Variants in RP1 observed in about 807,000 individuals in gnomAD.
The protein encoded by RP1 is oxygen-regulated protein 1.
RP1 carries 16 observed loss-of-function variants against 14.8 expected under a neutral mutation model. That is an observed-to-expected ratio of 1.08 (90% CI 0.73 to 1.65). The LOEUF (loss-of-function observed/expected upper bound fraction) is 1.65, where lower values mean the gene tolerates loss of function less well. Among genes scored for constraint, RP1 ranks in the 40% most tolerant of loss-of-function variants. RP1 has a pLI of 0.00. For missense variants in RP1, 2,631 were observed against 2,535.0 expected (o/e 1.04, Z -0.81); for synonymous variants, 876 against 883.6 (o/e 0.99, Z 0.15).
At chr8:54,806,398 A>G (rs559135666) in intron 24 of RP1, among the ~76,000 whole-genome samples, 34 of 152,174 alleles carry the variant, frequency 2.2e-4, no homozygotes, top group African/African-American at 7.9e-4. Context: ...ATGGACATTT[A>G]TCTTAGTTAG....
intron 1 of RP1, among the ~76,000 whole-genome samples, chr8:54,605,190 C>T (rs1212820878): frequency 6.6e-6 from 1 of 152,126 alleles, no homozygotes; most frequent in Non-Finnish European, 1.5e-5. Context: ...CTATAAATTT[C>T]CCTCTACACA....
At chr8:54,659,818 A>G (rs1806844968) in intron 6 of RP1, among the ~76,000 whole-genome samples, 1 of 152,174 alleles carries the variant, frequency 6.6e-6, no homozygotes, top group Admixed American at 6.5e-5. Context: ...GGTAAGGTAG[A>G]CATTTTAACA....
chr8:54,697,006 A>G (rs949528689), intron 12 of RP1: 6 of 1,425,344 alleles, frequency 4.2e-6, no homozygotes, highest in Non-Finnish European at 5.9e-6. Flanking sequence ...AGGAGATCTC[A>G]TGGTTCTTGC....
intron 24 of RP1, among the ~76,000 whole-genome samples, chr8:54,794,128 C>T (rs1810528735): frequency 6.6e-6 from 1 of 151,524 alleles, no homozygotes; most frequent in Non-Finnish European, 1.5e-5. Flanking sequence ...TTAAAATATA[C>T]ATATTACCCA....
chr8:54,622,911 G>C (rs1051451348), intron 3 of RP1, among the ~76,000 whole-genome samples: 1 of 152,186 alleles, frequency 6.6e-6, no homozygotes, highest in Non-Finnish European at 1.5e-5. Flanking sequence ...TGTGGGATAA[G>C]CTGTAAATTG....
intron 24 of RP1, among the ~76,000 whole-genome samples, chr8:54,835,069 C>T (rs540554075): frequency 2.0e-5 from 3 of 151,920 alleles, no homozygotes; most frequent in African/African-American, 4.8e-5. Context: ...TTTAGGGTAT[C>T]CTGGTTAGAA....
At chr8:54,826,491 T>C (rs1410623313) in intron 24 of RP1, among the ~76,000 whole-genome samples, 2 of 152,230 alleles carry the variant, frequency 1.3e-5, no homozygotes, top group Admixed American at 6.5e-5. Flanking sequence ...ATACAAGTTG[T>C]TTCAGTTTTT....
At chr8:54,756,035 G>A (rs1448909317) in intron 21 of RP1, among the ~76,000 whole-genome samples, 2 of 152,070 alleles carry the variant, frequency 1.3e-5, no homozygotes, top group African/African-American at 4.8e-5. Context: ...AGAAAAAAAT[G>A]AACTCAAAAG....
chr8:54,698,884 A>T (rs1033625237), intron 12 of RP1, among the ~76,000 whole-genome samples: 1 of 151,776 alleles, frequency 6.6e-6, no homozygotes. Flanking sequence ...ATCAAGGCCT[A>T]TCGGGGGTTG....
chr8:54,682,258 T>C (rs532628403), intron 12 of RP1, among the ~76,000 whole-genome samples: 1 of 152,098 alleles, frequency 6.6e-6, no homozygotes, highest in East Asian at 1.9e-4. Flanking sequence ...TTTTTTTTTT[T>C]ACTTTAAGTT....
At chr8:54,737,280 TC>T (rs1563362159) in intron 18 of RP1, among the ~76,000 whole-genome samples, 1 of 152,084 alleles carries the variant, frequency 6.6e-6, no homozygotes, top group African/African-American at 2.4e-5. Context: ...GTCAAGTCTT[TC>T]CCCCCTGGCT....
At chr8:54,832,435 A>G (rs1425647756) in intron 24 of RP1, among the ~76,000 whole-genome samples, 2 of 151,440 alleles carry the variant, frequency 1.3e-5, no homozygotes, top group African/African-American at 4.8e-5. Context: ...TATTTCACTT[A>G]TTGTATTTTC....
chr8:54,826,752 CT>C (rs1234340322), intron 24 of RP1, among the ~76,000 whole-genome samples: 1 of 152,192 alleles, frequency 6.6e-6, no homozygotes, highest in Admixed American at 6.5e-5. Context: ...CTGCATTAAA[CT>C]TTTCCTGCTT....
chr8:54,627,904 C>A lies in RP1; in HGVS notation c.4022C>A (p.Thr1341Asn). Residue 1341 changes from threonine (T) to asparagine (N), a missense_variant, in exon 4 of 4, where the codon ACC becomes AAC. Transcript: ENST00000220676. ...TACGTTCCTGTCAATGTCTGCAATA[C>A]CATTGACTTTTTAAACTCCAAAGAA... ...ETYVPVNVCN[T>N]IDFLNSKENT... 1 of 1,614,074 alleles carries A rather than the reference C, an allele frequency of 6.2e-7. No individual in the cohort carries two copies. The highest frequency in any genetic ancestry group is 8.5e-7 in the Non-Finnish European group (1 of 1,179,974).
chr8:54,619,447 C>T (rs142701983), intron 1 of RP1, among the ~76,000 whole-genome samples: 1 of 152,302 alleles, frequency 6.6e-6, no homozygotes, highest in Non-Finnish European at 1.5e-5. Context: ...GCAGGACTTT[C>T]TTACTGTGTC....
chr8:54,586,396 A>T (rs1027834661), intron 1 of RP1, among the ~76,000 whole-genome samples: 1 of 152,218 alleles, frequency 6.6e-6, no homozygotes, highest in Non-Finnish European at 1.5e-5. Flanking sequence ...GTGAGGTGTC[A>T]GTCTGCCCCT....
At chr8:54,661,305 A>ATATATCAAT (rs59724638) in intron 6 of RP1, among the ~76,000 whole-genome samples, 43,380 of 139,942 alleles carry the variant, frequency 0.31, 7,409 homozygotes, top group Middle Eastern at 0.44. Flanking sequence ...TATATATATG[A>ATATATCAAT]GATATATATA....
rs555588078 is a variant in RP1 at position 54,591,663 on chromosome 8, A to G, written c.-12-29292A>G. 1.9e-3 allele frequency among the ~76,000 whole-genome samples: 289 copies of G among 152,272 alleles called. 2 individuals are homozygous for G. The highest frequency in any genetic ancestry group is 4.4e-3 in the South Asian group (21 of 4,822). ...AAAAAATCACTCCAAACTTAGTACT[A>G]AAACAAACATTTATTGAGCTCACAA... On this transcript the variant is annotated intron_variant, in intron 1 of 22. Coordinates refer to the RP1 transcript ENST00000636932.
intron 24 of RP1, among the ~76,000 whole-genome samples, chr8:54,812,803 ATC>A (rs1811040424): frequency 6.8e-6 from 1 of 147,130 alleles, no homozygotes; most frequent in African/African-American, 2.6e-5. Flanking sequence ...CTATCTATCT[ATC>A]TATCTCTCCG....
Sources: gnomAD v4.1 joint callset for allele counts (sites outside exome capture counted in the v4.1 genomes callset) on GRCh38, gnomAD v4.1.1 for gene constraint, MANE v1.5 for transcripts, NCBI Gene and HGNC (gene_info 2026-07-23, HGNC 2026-07-21) for gene names.